KALRN: variants seen among roughly 807,000 people sequenced by gnomAD.
The protein encoded by KALRN is kalirin.
Under a neutral mutation model 353.7 loss-of-function variants are expected in KALRN, and 70 were observed. The ratio of observed to expected loss-of-function variants is 0.20; its 90% CI spans 0.16 to 0.24. The LOEUF is 0.24. Ranked by LOEUF, KALRN falls within the 10% of genes least tolerant of loss-of-function variation. KALRN has a pLI of 1.00. For synonymous variants in KALRN, 1,391 were observed against 1,434.8 expected (o/e 0.97, Z 0.69); for missense variants, 2,791 against 3,756.7 (o/e 0.74, Z 6.72).
chr3:124,199,449 A>G (rs763348816), intron 1 of KALRN, among the ~76,000 whole-genome samples: 1 of 152,202 alleles, frequency 6.6e-6, no homozygotes, highest in Non-Finnish European at 1.5e-5. Context: ...TTGGGCACCC[A>G]CAGGAGAGTG....
intron 33 of KALRN, 56 bp downstream of exon 33, chr3:124,496,469 C>A: frequency 8.0e-7 from 1 of 1,256,662 alleles, no homozygotes; most frequent in Non-Finnish European, 1.2e-6. Context: ...CTCAACCACC[C>A]CTGGAGAGGT....
intron 10 of KALRN, among the ~76,000 whole-genome samples, chr3:124,369,070 AGGG>A (rs1226515910): frequency 1.4e-4 from 21 of 152,242 alleles, no homozygotes; most frequent in African/African-American, 5.1e-4. Context: ...GGAGAGGGAG[AGGG>A]AGAGGGAGAG....
intron 6 of KALRN, among the ~76,000 whole-genome samples, chr3:124,320,706 G>T (rs1003077303): frequency 6.6e-6 from 1 of 152,220 alleles, no homozygotes; most frequent in Non-Finnish European, 1.5e-5. Context: ...TTAAGGTATG[G>T]AAGGACATTG....
At position 124,481,401 on chromosome 3, in the gene KALRN, C is replaced by T. The variant is rs189172578; in HGVS notation, c.4192-1407C>T. Among the ~76,000 whole-genome samples the T allele has an allele frequency of 7.8e-4, 118 of 152,120 alleles. 1 individual carries two copies. The highest frequency in any genetic ancestry group is 6.8e-3 in the Middle Eastern group (2 of 292). On this transcript the variant is annotated intron_variant, in intron 27 of 59. Coordinates refer to ENST00000682506, the MANE Select transcript of KALRN (RefSeq NM_001388419.1). Reference sequence around the variant, plus strand: ...TTTGTATTTTTTGTAGAGATGGGATCTGGCCATGTTGCCCCGGCTGGTCTT... The same window carrying T: ...TTTGTATTTTTTGTAGAGATGGGATTTGGCCATGTTGCCCCGGCTGGTCTT...
At position 124,572,746 on chromosome 3, in the gene KALRN, G is replaced by A. The variant is rs571772270; in HGVS notation, c.5182+9657G>A. Among the ~76,000 whole-genome samples the A allele has an allele frequency of 3.1e-4, 47 of 152,266 alleles. No individual in the cohort carries two copies. In the South Asian group the frequency reaches 5.8e-3, roughly 19 times the overall value. On this transcript the variant is annotated intron_variant, in intron 34 of 59. Transcript: ENST00000682506. Reference sequence around the variant, plus strand: ...CAAAAGTTGTCTGTGGCTTTACCTCGGTATGCAGTAGACTATAAAAACATG... The same window carrying A: ...CAAAAGTTGTCTGTGGCTTTACCTCAGTATGCAGTAGACTATAAAAACATG...
chr3:124,432,720 G>C (rs1035955396), intron 16 of KALRN, among the ~76,000 whole-genome samples: 1 of 152,172 alleles, frequency 6.6e-6, no homozygotes, highest in Non-Finnish European at 1.5e-5. Flanking sequence ...GACTGCATAT[G>C]CAATATGTAT....
intron 33 of KALRN, among the ~76,000 whole-genome samples, chr3:124,535,451 G>T (rs1320643813): frequency 6.6e-6 from 1 of 152,132 alleles, no homozygotes; most frequent in Non-Finnish European, 1.5e-5. Flanking sequence ...ATGAAAACTT[G>T]CCCCTTCAGT....
At chr3:124,542,231 C>A (rs907727095) in intron 33 of KALRN, among the ~76,000 whole-genome samples, 2 of 152,090 alleles carry the variant, frequency 1.3e-5, no homozygotes, top group Non-Finnish European at 2.9e-5. Flanking sequence ...ATCAGGGAGG[C>A]GGCTGAAAGT....
chr3:124,564,239 G>C (rs1030612796), intron 34 of KALRN, among the ~76,000 whole-genome samples: 3 of 150,252 alleles, frequency 2.0e-5, no homozygotes, highest in Non-Finnish European at 4.4e-5. Flanking sequence ...AAATTAGCTG[G>C]GCAAGGTGGT....
chr3:124,188,944 C>T (rs1218407296), intron 1 of KALRN, among the ~76,000 whole-genome samples: 1 of 152,178 alleles, frequency 6.6e-6, no homozygotes, highest in African/African-American at 2.4e-5. Flanking sequence ...GAACTTTGAG[C>T]TTAGGAAATT....
rs77818924 is a variant in KALRN, at chr3:124,679,840, T to C, written c.7377+323T>C. 1,076 of 396,546 alleles carry C rather than the reference T, an allele frequency of 2.7e-3. 3 individuals are homozygous for C. The highest frequency in any genetic ancestry group is 4.7e-3 in the Non-Finnish European group (984 of 208,894). The allele number at this position is 396,546 out of a possible 1,614,324, so 24.6% of individuals were successfully genotyped here. A position where few individuals can be genotyped will look rare whatever the true frequency, so the allele number is the denominator to read the frequency against. On this transcript the variant is annotated intron_variant, in intron 51 of 59. Transcript: ENST00000682506. ...TTGAAACTTAGAACACATTTTTTCA[T>C]GGAAAACAGCACTGTAAAGAGTGGA...
chr3:124,316,181 C>T (rs1450290977), intron 6 of KALRN, among the ~76,000 whole-genome samples: 4 of 152,152 alleles, frequency 2.6e-5, no homozygotes, highest in Non-Finnish European at 5.9e-5. Flanking sequence ...AGAATCTGGC[C>T]TCTTATTGCC....
chr3:124,628,598 C>A (rs2080373156), intron 34 of KALRN, among the ~76,000 whole-genome samples: 1 of 136,552 alleles, frequency 7.3e-6, no homozygotes, highest in Non-Finnish European at 1.6e-5. Context: ...TTCTTTTCTT[C>A]TTTCTCTTGC....
chr3:124,371,718 C>T (rs964547969), intron 10 of KALRN, among the ~76,000 whole-genome samples: 1 of 152,076 alleles, frequency 6.6e-6, no homozygotes, highest in African/African-American at 2.4e-5. Flanking sequence ...TGTTTTGATA[C>T]AGGCATGCAA....
At chr3:124,267,128 AC>A (rs950469901) in intron 4 of KALRN, among the ~76,000 whole-genome samples, 25 of 152,234 alleles carry the variant, frequency 1.6e-4, no homozygotes, top group African/African-American at 6.0e-4. Context: ...CTTAGTGCAG[AC>A]TGGGGTGACA....
intron 34 of KALRN, among the ~76,000 whole-genome samples, chr3:124,593,520 G>T (rs149449080): frequency 1.1e-3 from 175 of 152,242 alleles, no homozygotes; most frequent in Middle Eastern, 3.4e-3. Context: ...GGAGGGAAAA[G>T]GTAGATTTCC....
intron 33 of KALRN, chr3:124,519,775 A>G: frequency 2.0e-6 from 2 of 985,456 alleles, no homozygotes; most frequent in Non-Finnish European, 2.4e-6. Context: ...GGGCATTTGC[A>G]TGACTGAGAA....
rs779848977 is a variant in KALRN, at chr3:124,462,564, C to G, written c.3962C>G (p.Pro1321Arg). The change falls in exon 25 of 60, where the codon CCC (proline) becomes CGC (arginine). Residue 1321 changes from proline (P) to arginine (R), a missense_variant. By Grantham distance (103) the Pro-to-Arg change is moderately radical. This residue lies in a region of KALRN where 268 missense variants were observed against 347.0 expected (regional missense o/e 0.77). Coordinates refer to ENST00000682506, the MANE Select transcript of KALRN (RefSeq NM_001388419.1). Reference protein sequence around the residue: ...WEMTSGVEEIPPGILNKEHII... With the variant: ...WEMTSGVEEIRPGILNKEHII... ...ATGACCAGTGGTGTGGAGGAGATCCCCCCTGGGATCCTCAATAAAGAGCAT... is the reference window on the plus strand; with the variant it reads ...ATGACCAGTGGTGTGGAGGAGATCCGCCCTGGGATCCTCAATAAAGAGCAT... The G allele has an allele frequency of 6.2e-7, 1 of 1,612,542 alleles. No individual in the cohort carries two copies. The highest frequency in any genetic ancestry group is 8.5e-7 in the Non-Finnish European group (1 of 1,178,688).
intron 1 of KALRN, among the ~76,000 whole-genome samples, chr3:124,115,749 A>G (rs1024593187): frequency 9.2e-5 from 14 of 152,326 alleles, no homozygotes; most frequent in Admixed American, 8.5e-4. Flanking sequence ...AGCTAGGGGC[A>G]GCAACTAATA....
Sources: allele counts gnomAD v4.1 joint callset (sites outside exome capture counted in the v4.1 genomes callset), GRCh38; gene constraint gnomAD v4.1.1; regional missense constraint gnomAD v4.1.1; transcripts MANE v1.5; gene names NCBI Gene and HGNC (gene_info 2026-07-23, HGNC 2026-07-21).